Variants in NAA15 observed in about 807,000 individuals in gnomAD.
NAA15 encodes N-alpha-acetyltransferase 15, NatA auxiliary subunit.
Under a neutral mutation model 114.0 loss-of-function variants are expected in NAA15, and 34 were observed. That is an observed-to-expected ratio of 0.30 (90% CI 0.23 to 0.40). The LOEUF (loss-of-function observed/expected upper bound fraction) is 0.40. Among genes scored for constraint, NAA15 ranks in the 10% least tolerant of loss-of-function variants. The pLI is 1.00. For synonymous variants in NAA15, 340 were observed against 338.0 expected, an observed-to-expected ratio of 1.01 and a Z score of -0.06; for missense variants, 658 against 1,004.5, an observed-to-expected ratio of 0.66 and a Z score of 4.66.
chr4:139,322,630 C>T (rs1206423632), intron 1 of NAA15, among the ~76,000 whole-genome samples: 1 of 152,176 alleles, frequency 6.6e-6, no homozygotes, highest in Non-Finnish European at 1.5e-5. Context: ...TTGTTCTTTG[C>T]CCAGCTTTCA....
intron 6 of NAA15, among the ~76,000 whole-genome samples, chr4:139,345,119 G>A (rs1165801039): frequency 1.3e-5 from 2 of 152,204 alleles, no homozygotes; most frequent in Non-Finnish European, 2.9e-5. Context: ...AACACAAAAA[G>A]TATAATATAC....
intron 1 of NAA15, among the ~76,000 whole-genome samples, chr4:139,316,788 C>T (rs534370713): frequency 1.3e-5 from 2 of 151,898 alleles, no homozygotes; most frequent in East Asian, 3.9e-4. Flanking sequence ...AGTTCAAGAG[C>T]ATTCTGATTT....
chr4:139,378,236 C>T (rs1748645060), intron 16 of NAA15, among the ~76,000 whole-genome samples: 1 of 152,028 alleles, frequency 6.6e-6, no homozygotes, highest in Non-Finnish European at 1.5e-5. Context: ...TTGGGAAATA[C>T]AGGGAATGGG....
At chr4:139,343,095 C>CT in intron 5 of NAA15, 135 bp downstream of exon 5, 1 of 691,886 alleles carries the variant, frequency 1.4e-6, no homozygotes, top group East Asian at 2.8e-5. Flanking sequence ...ACAAAGAACT[C>CT]TACATAGGGG....
chr4:139,344,217 G>A lies in NAA15; in HGVS notation c.569G>A (p.Ser190Asn), dbSNP rs1560966806. ...TSPDKVDYEY[S>N]ELLLYQNQVL... ...CCTGACAAGGTGGATTATGAATATAGTGAACTACTCTTATATCAGAATCAA... is the reference window on the plus strand; with the variant it reads ...CCTGACAAGGTGGATTATGAATATAATGAACTACTCTTATATCAGAATCAA... Residue 190 changes from serine (S) to asparagine (N), a missense_variant, in exon 6 of 20, where the codon AGT becomes AAT. Coordinates refer to ENST00000296543, the MANE Select transcript of NAA15 (RefSeq NM_057175.5). The A allele has an allele frequency of 6.2e-7, 1 of 1,612,034 alleles. No homozygotes were observed. The highest frequency in any genetic ancestry group is 8.5e-7 in the Non-Finnish European group (1 of 1,178,832).
intron 13 of NAA15, among the ~76,000 whole-genome samples, chr4:139,361,429 G>C (rs1303605624): frequency 1.3e-5 from 2 of 152,108 alleles, no homozygotes; most frequent in Non-Finnish European, 2.9e-5. Context: ...GTTTGATGTT[G>C]TCACAATAGC....
chr4:139,355,234 T>C (rs1288342398), intron 10 of NAA15, among the ~76,000 whole-genome samples: 1 of 152,096 alleles, frequency 6.6e-6, no homozygotes, highest in East Asian at 1.9e-4. Flanking sequence ...TTTCCAGTTA[T>C]GTTATAAATG....
intron 1 of NAA15, among the ~76,000 whole-genome samples, chr4:139,320,379 C>G (rs1746556416): frequency 6.6e-6 from 1 of 152,104 alleles, no homozygotes; most frequent in African/African-American, 2.4e-5. Flanking sequence ...TTTTCAAAGT[C>G]TTTAATATTG....
intron 10 of NAA15, among the ~76,000 whole-genome samples, chr4:139,355,117 G>C (rs569943043): frequency 2.1e-4 from 32 of 152,186 alleles, no homozygotes; most frequent in African/African-American, 7.5e-4. Flanking sequence ...GACCTCAAGT[G>C]ATCCGCCTGC....
chr4:139,383,664 T>A (rs1047643425), intron 17 of NAA15, among the ~76,000 whole-genome samples: 2 of 151,854 alleles, frequency 1.3e-5, no homozygotes, highest in Non-Finnish European at 1.5e-5. Flanking sequence ...AGAGACGGGG[T>A]TTCGCCATGT....
Position 139,376,421 on chromosome 4 carries a change from G to A in NAA15, c.2004G>A (p.Val668=), listed in dbSNP as rs1458234599. 6.2e-7 allele frequency: 1 copy of A among 1,613,376 alleles called. No homozygotes were observed. Among genetic ancestry groups the A allele is most frequent in the South Asian group, 1.1e-5 (1 of 91,064 alleles). Residue 668 remains valine, a synonymous_variant, in exon 16 of 20, where the codon GTG becomes GTA. Transcript: ENST00000296543. The stretch of plus-strand genomic sequence containing the variant: ...TTTTAACACCGTTGAAGAACTTGGT[G>A]AAGAACAAGATAGAGACTCATCTTT... ...IKFLTPLKNL[V]KNKIETHLFA... is the part of the protein sequence containing the mutation.
chr4:139,336,972 T>C lies in NAA15; in HGVS notation c.244+20T>C. The C allele has an allele frequency of 1.3e-6, 2 of 1,525,252 alleles. No homozygotes were observed. The highest frequency in any genetic ancestry group is 1.8e-6 in the Non-Finnish European group (2 of 1,126,942). 94.5% of individuals were successfully genotyped at this position (1,525,252 alleles called of 1,614,324 possible). ...ATGTGTGTATCCTTTTTGAGATATATTTAAGGTTTGAGTGGGGTGTTTTGA... is the reference window on the plus strand; with the variant it reads ...ATGTGTGTATCCTTTTTGAGATATACTTAAGGTTTGAGTGGGGTGTTTTGA... On this transcript the variant is annotated intron_variant, in intron 3 of 19. Coordinates refer to ENST00000296543, the MANE Select transcript of NAA15 (RefSeq NM_057175.5).
At chr4:139,359,923 G>A in intron 12 of NAA15, 28 bp downstream of exon 12, 1 of 1,532,502 alleles carries the variant, frequency 6.5e-7, no homozygotes, top group Non-Finnish European at 8.7e-7. Context: ...TCTTAATTAT[G>A]AATAAAGAAG....
chr4:139,368,733 G>T (rs1175879087), intron 14 of NAA15, among the ~76,000 whole-genome samples: 2 of 152,120 alleles, frequency 1.3e-5, no homozygotes, highest in Non-Finnish European at 2.9e-5. Flanking sequence ...GTGGAGGGGG[G>T]TCCTGCCTTT....
intron 16 of NAA15, among the ~76,000 whole-genome samples, chr4:139,377,721 T>A (rs1288475233): frequency 6.6e-6 from 1 of 152,194 alleles, no homozygotes; most frequent in Non-Finnish European, 1.5e-5. Context: ...ATTGTCTCGA[T>A]AGATTTTGAG....
intron 11 of NAA15, among the ~76,000 whole-genome samples, chr4:139,358,514 TTTTA>T (rs1187484879): frequency 2.7e-5 from 4 of 147,708 alleles, no homozygotes; most frequent in Admixed American, 1.3e-4. Flanking sequence ...ACTTTTGATT[TTTTA>T]TTTATTTTTT....
intron 13 of NAA15, 75 bp downstream of exon 13, chr4:139,360,703 T>A (rs1320357447): frequency 1.5e-6 from 2 of 1,296,210 alleles, no homozygotes. Context: ...AGTTTTTTTC[T>A]CTTCTATTTC....
chr4:139,328,573 C>CT (rs56025831), intron 1 of NAA15, among the ~76,000 whole-genome samples: 33,827 of 132,204 alleles, frequency 0.26, 4,744 homozygotes, highest in African/African-American at 0.37. Flanking sequence ...TCTTTCTTTT[C>CT]TTTTTTTTTT....
At position 139,361,940 on chromosome 4, in the gene NAA15, A is replaced by G; in HGVS notation, c.1753+3A>G. 1 of 1,594,176 alleles carries G rather than the reference A, an allele frequency of 6.3e-7. No homozygotes were observed. Among genetic ancestry groups the G allele is most frequent in the Non-Finnish European group, 8.6e-7 (1 of 1,168,902 alleles). On this transcript the variant is annotated splice_donor_region_variant and intron_variant, in intron 14 of 19. Coordinates refer to ENST00000296543, the MANE Select transcript of NAA15 (RefSeq NM_057175.5). ...TAAAGAACACGAAGCTGATACAGGT[A>G]TAATATTCAGAGTTCTTCTTGTGCT...
Sources: gnomAD v4.1 joint callset for allele counts (sites outside exome capture counted in the v4.1 genomes callset) on GRCh38, gnomAD v4.1.1 for gene constraint, MANE v1.5 for transcripts, NCBI Gene and HGNC (gene_info 2026-07-23, HGNC 2026-07-21) for gene names.